ZBTB43: variants seen among roughly 807,000 people sequenced by gnomAD.
ZBTB43 encodes zinc finger and BTB domain-containing protein 43.
Under a neutral mutation model 31.1 loss-of-function variants are expected in ZBTB43, and 6 were observed. That is an observed-to-expected ratio of 0.19 (90% CI 0.11 to 0.38). The LOEUF is 0.38. ZBTB43 is among the 10% of genes least tolerant of loss of function. ZBTB43 has a pLI of 1.00. For missense variants in ZBTB43, 379 were observed against 602.1 expected, an observed-to-expected ratio of 0.63 and a Z score of 3.88; for synonymous variants, 212 against 221.7, an observed-to-expected ratio of 0.96 and a Z score of 0.39.
In ZBTB43 at chr9:126,833,054, A is replaced by G. The variant is rs1384431357; in HGVS notation, c.545A>G (p.Lys182Arg). ...GGTGAAAATGAAGAGGAGAGCACCA[A>G]AGACGAGCTGTCATCCCAGCTCACC... ...RDGENEEEST[K>R]DELSSQLTEH... Residue 182 changes from lysine to arginine, a missense_variant, in exon 3 of 3, where the codon AAA (lysine) becomes AGA (arginine). Lys to Arg is a conservative substitution (Grantham distance 26, BLOSUM62 2). This residue lies in a region of ZBTB43 where 253 missense variants were observed against 322.3 expected (regional missense o/e 0.79). Coordinates refer to ENST00000373464, the MANE Select transcript of ZBTB43 (RefSeq NM_014007.4). The surrounding 1 kb of genome is among the most constrained non-coding windows in gnomAD (Gnocchi z 7.9). The G allele has an allele frequency of 6.2e-6, 10 of 1,614,058 alleles. No individual in the cohort carries two copies. The South Asian group carries it at 9.9e-5, about 16-fold the overall frequency.
At chr9:126,822,160 T>C (rs2032526950) in intron 2 of ZBTB43, among the ~76,000 whole-genome samples, 1 of 129,128 alleles carries the variant, frequency 7.7e-6, no homozygotes, top group Non-Finnish European at 1.6e-5. Flanking sequence ...TCGGCCGAGA[T>C]TTTTTTTTTT....
At chr9:126,816,398 G>C (rs2119128245) in intron 2 of ZBTB43, among the ~76,000 whole-genome samples, 1 of 152,054 alleles carries the variant, frequency 6.6e-6, no homozygotes, top group Admixed American at 6.5e-5. Context: ...TCATTCTACT[G>C]TTTTGTCTCA....
Position 126,833,040 on chromosome 9 carries a change from AGAG to A in ZBTB43, c.535_537del (p.Glu179del). ...AAGAACTGAGAGATGGTGAAAATGA[AGAG>A]GAGAGCACCAAAGACGAGCTGTCAT... On this transcript the variant is annotated inframe_deletion, in exon 3 of 3. Transcript: ENST00000373464. This position sits in a 1 kb window ranked among gnomAD's most constrained non-coding sequence, Gnocchi z 7.9. 2 of 1,614,006 alleles carry A rather than the reference AGAG, an allele frequency of 1.2e-6. No homozygotes were observed. Among genetic ancestry groups the A allele is most frequent in the East Asian group, 4.5e-5 (2 of 44,868 alleles).
chr9:126,809,277 A>T (rs1398167254), intron 2 of ZBTB43, among the ~76,000 whole-genome samples: 1 of 152,234 alleles, frequency 6.6e-6, no homozygotes, highest in Non-Finnish European at 1.5e-5. Context: ...AAAAGGATGC[A>T]ATGATACGGG....
intron 2 of ZBTB43, among the ~76,000 whole-genome samples, chr9:126,829,020 G>A (rs1272297189): frequency 6.6e-6 from 1 of 152,144 alleles, no homozygotes; most frequent in Non-Finnish European, 1.5e-5. Flanking sequence ...TAGGAGATAG[G>A]CAGACTTTAT....
intron 2 of ZBTB43, among the ~76,000 whole-genome samples, chr9:126,828,933 A>G (rs956905853): frequency 4.6e-5 from 7 of 152,190 alleles, no homozygotes; most frequent in African/African-American, 1.7e-4. Context: ...ACAAATGACC[A>G]GTAAACTAAG....
Position 126,808,916 on chromosome 9 carries a change from G to A in ZBTB43, c.-24+1G>A, listed in dbSNP as rs1293171690. 6.6e-6 allele frequency: 1 copy of A among 152,152 alleles called. No homozygotes were observed. Among genetic ancestry groups the A allele is most frequent in the Non-Finnish European group, 1.5e-5 (1 of 68,018 alleles). 9.4% of individuals were successfully genotyped at this position (152,152 alleles called of 1,614,324 possible). On this transcript the variant is annotated splice_donor_variant, in intron 2 of 2. Coordinates refer to ENST00000373464, the MANE Select transcript of ZBTB43 (RefSeq NM_014007.4). LOFTEE classifies it low-confidence loss of function (5UTR_SPLICE). ...TCCCAGGAATACAGCTTTGCATTAG[G>A]TAAGCTATCAACTTGATCACGATAC... is the stretch of plus-strand genomic sequence containing the variant.
At chr9:126,824,578 A>G (rs1341556483) in intron 2 of ZBTB43, among the ~76,000 whole-genome samples, 2 of 152,158 alleles carry the variant, frequency 1.3e-5, no homozygotes, top group African/African-American at 2.4e-5. Context: ...AGCGCTTTAA[A>G]TAGATTGTCC....
chr9:126,825,886 C>T lies in ZBTB43; in HGVS notation c.-23-6601C>T, dbSNP rs573920506. On this transcript the variant is annotated intron_variant, in intron 2 of 2. Coordinates refer to ENST00000373464, the MANE Select transcript of ZBTB43 (RefSeq NM_014007.4). ...TTTGAGATGGCGCATCACTCTGTCG[C>T]CCAGGCTGAAGTGCAGTGGTGCCAT... is the stretch of plus-strand genomic sequence containing the variant. Among the ~76,000 whole-genome samples the T allele has an allele frequency of 3.5e-4, 51 of 147,664 alleles. No individual in the cohort carries two copies. The South Asian group carries it at 0.011, about 32-fold the overall frequency.
intron 2 of ZBTB43, among the ~76,000 whole-genome samples, chr9:126,818,071 T>G (rs1485707576): frequency 6.6e-6 from 1 of 151,670 alleles, no homozygotes; most frequent in African/African-American, 2.4e-5. Flanking sequence ...TTCTATTTAT[T>G]TGTGCCTTTA....
intron 2 of ZBTB43, among the ~76,000 whole-genome samples, chr9:126,809,165 T>G (rs561177089): frequency 6.6e-6 from 1 of 152,320 alleles, no homozygotes; most frequent in African/African-American, 2.4e-5. Flanking sequence ...AGAAAAATGT[T>G]AGATTTGGAG....
intron 2 of ZBTB43, among the ~76,000 whole-genome samples, chr9:126,823,346 T>C (rs1329803201): frequency 6.6e-6 from 1 of 152,228 alleles, no homozygotes; most frequent in Non-Finnish European, 1.5e-5. Context: ...TTGAACCTTT[T>C]TACTCAACAT....
intron 2 of ZBTB43, among the ~76,000 whole-genome samples, chr9:126,823,552 T>C (rs1474176369): frequency 1.3e-5 from 2 of 152,250 alleles, no homozygotes; most frequent in East Asian, 3.8e-4. Flanking sequence ...GTGAGTCTCT[T>C]GTAGACTGCA....
chr9:126,806,674 C>A (rs897514211), intron 1 of ZBTB43, among the ~76,000 whole-genome samples: 1 of 152,142 alleles, frequency 6.6e-6, no homozygotes, highest in African/African-American at 2.4e-5. Flanking sequence ...AAACAGTATT[C>A]ATTGGAGACT....
chr9:126,816,670 G>A (rs1277379751), intron 2 of ZBTB43, among the ~76,000 whole-genome samples: 3 of 152,216 alleles, frequency 2.0e-5, no homozygotes, highest in African/African-American at 7.2e-5. Context: ...TAAGCTAGAT[G>A]CAGGGCTGAA....
At position 126,835,617 on chromosome 9, in the gene ZBTB43, G is replaced by T. The variant is rs956622385; in HGVS notation, c.*1704G>T. On this transcript the variant is annotated 3_prime_UTR_variant, in exon 3 of 3. Transcript: ENST00000373464. ...GAGGAAAGAAAATACTTATTTACCA[G>T]TTAACTCTTGTAAGCAAGATTACAA... 3.6e-5 allele frequency: 6 copies of T among 166,884 alleles called. No individual in the cohort carries two copies. The highest frequency in any genetic ancestry group is 7.3e-5 in the Non-Finnish European group (5 of 68,088). 10.3% of individuals were successfully genotyped at this position (166,884 alleles called of 1,614,324 possible). A position where few individuals can be genotyped will look rare whatever the true frequency, so the allele number is the denominator to read the frequency against.
intron 2 of ZBTB43, among the ~76,000 whole-genome samples, chr9:126,826,605 A>G (rs1206128412): frequency 1.3e-5 from 2 of 151,430 alleles, no homozygotes; most frequent in Non-Finnish European, 2.9e-5. Context: ...CTGGGACTAC[A>G]GGCGCCCGCC....
upstream of ZBTB43, chr9:126,804,982 A>C (rs1220672163): frequency 2.0e-5 from 3 of 152,566 alleles, no homozygotes; most frequent in Admixed American, 6.5e-5. Context: ...CCCCGGAAGC[A>C]CTGTCAGTTT....
intron 2 of ZBTB43, among the ~76,000 whole-genome samples, chr9:126,823,347 T>A (rs1254239353): frequency 6.6e-6 from 1 of 152,242 alleles, no homozygotes; most frequent in African/African-American, 2.4e-5. Context: ...TGAACCTTTT[T>A]ACTCAACATA....
Sources: gnomAD v4.1 joint callset for allele counts (sites outside exome capture counted in the v4.1 genomes callset) on GRCh38, gnomAD v4.1.1 for gene constraint, gnomAD v4.1.1 regional missense constraint, Gnocchi (gnomAD v3.1) non-coding constraint, MANE v1.5 for transcripts, NCBI Gene and HGNC (gene_info 2026-07-23, HGNC 2026-07-21) for gene names.